The following SLC9D1 variants were observed in gnomAD, a reference collection of about 807,000 sequenced individuals.
SLC9D1 encodes the protein putative LAG1-interacting protein.
chr13:113,546,449 T>C, the SLC9D1 span, among the ~76,000 whole-genome samples: 66 of 152,132 alleles, frequency 4.3e-4, no homozygotes, highest in Admixed American at 1.2e-3. The surrounding 1 kb of genome is among the most constrained non-coding windows in gnomAD (Gnocchi z 7.1). Context: ...GGGCCGTGGC[T>C]AGAAGACTGG....
chr13:113,496,809 T>G, the SLC9D1 span, among the ~76,000 whole-genome samples: 1 of 152,238 alleles, frequency 6.6e-6, no homozygotes, highest in African/African-American at 2.4e-5. Flanking sequence ...TCAATAACAC[T>G]GATTCATTTG....
At chr13:113,504,312 T>A in the SLC9D1 span, 5 of 152,222 alleles carry the variant, frequency 3.3e-5, no homozygotes, top group Non-Finnish European at 7.3e-5. Context: ...AGCTCTCTCA[T>A]GTAGTATTCC....
At chr13:113,510,032 A>G in the SLC9D1 span, among the ~76,000 whole-genome samples, 2 of 151,968 alleles carry the variant, frequency 1.3e-5, no homozygotes, top group Admixed American at 1.3e-4. Context: ...GTGTGCGTGT[A>G]TTGTGTGTGT....
the SLC9D1 span, among the ~76,000 whole-genome samples, chr13:113,491,765 G>C: frequency 7.0e-4 from 106 of 152,204 alleles, 1 homozygote; most frequent in Admixed American, 2.7e-3. Context: ...CCCTGTCCCT[G>C]GCCCCCCTCC....
chr13:113,495,896 A>G, the SLC9D1 span: 2 of 1,614,094 alleles, frequency 1.2e-6, no homozygotes, highest in African/African-American at 1.3e-5. Context: ...AGCTGAATGA[A>G]AGTGAAAATT....
At chr13:113,507,684 T>C in the SLC9D1 span, among the ~76,000 whole-genome samples, 2 of 152,242 alleles carry the variant, frequency 1.3e-5, no homozygotes, top group African/African-American at 4.8e-5. Context: ...TCTGTCAGTT[T>C]CTGCCTCTCT....
the SLC9D1 span, among the ~76,000 whole-genome samples, chr13:113,517,386 C>T: frequency 6.6e-5 from 10 of 152,250 alleles, no homozygotes; most frequent in East Asian, 1.7e-3. Context: ...GCGCCCGCCA[C>T]CACGCCCGGC....
At chr13:113,505,703 A>C in the SLC9D1 span, 1 of 152,242 alleles carries the variant, frequency 6.6e-6, no homozygotes, top group East Asian at 1.9e-4. Context: ...TATAATAAGC[A>C]GTCAATACTT....
chr13:113,508,817 AGTT>A, the SLC9D1 span, among the ~76,000 whole-genome samples: 2 of 152,244 alleles, frequency 1.3e-5, no homozygotes, highest in Admixed American at 6.5e-5. Flanking sequence ...TCAAAAAAAA[AGTT>A]GTAATTTTGC....
the SLC9D1 span, chr13:113,505,148 G>A: frequency 6.6e-6 from 1 of 152,150 alleles, no homozygotes; most frequent in Admixed American, 6.5e-5. Flanking sequence ...TTTGGATGGG[G>A]TTGTTTGTTT....
chr13:113,537,732 A>G, the SLC9D1 span, among the ~76,000 whole-genome samples: 1 of 152,152 alleles, frequency 6.6e-6, no homozygotes, highest in Non-Finnish European at 1.5e-5. Flanking sequence ...TGCTTTTCTC[A>G]TTAGATCTTC....
At chr13:113,491,794 C>T in the SLC9D1 span, among the ~76,000 whole-genome samples, 1 of 152,260 alleles carries the variant, frequency 6.6e-6, no homozygotes. Context: ...CTAACGGCTC[C>T]TCACGGTGTC....
the SLC9D1 span, among the ~76,000 whole-genome samples, chr13:113,502,097 G>T: frequency 6.6e-6 from 1 of 152,222 alleles, no homozygotes; most frequent in East Asian, 1.9e-4. Flanking sequence ...CAACGCCCCT[G>T]CTCGTTTCCA....
At chr13:113,545,570 C>G in the SLC9D1 span, among the ~76,000 whole-genome samples, 45 of 152,342 alleles carry the variant, frequency 3.0e-4, no homozygotes, top group African/African-American at 1.0e-3. Context: ...TCCCCCCACC[C>G]CCACTCCGCC....
chr13:113,547,151 C>T, the SLC9D1 span: 2 of 666,026 alleles, frequency 3.0e-6, no homozygotes, highest in Non-Finnish European at 5.4e-6. Flanking sequence ...GGCTTTTTAG[C>T]ATTTGCTGTT....
the SLC9D1 span, among the ~76,000 whole-genome samples, chr13:113,512,578 A>G: frequency 5.2e-4 from 71 of 137,324 alleles, no homozygotes; most frequent in East Asian, 1.1e-3. Flanking sequence ...CAGGTGCTGG[A>G]ACTGGAAGGG....
the SLC9D1 span, chr13:113,527,239 C>T: frequency 6.6e-6 from 1 of 152,208 alleles, no homozygotes; most frequent in Non-Finnish European, 1.5e-5. Flanking sequence ...ATAATCTCTT[C>T]TTCTCATACC....
the SLC9D1 span, among the ~76,000 whole-genome samples, chr13:113,544,311 A>G: frequency 6.6e-6 from 1 of 152,220 alleles, no homozygotes; most frequent in African/African-American, 2.4e-5. Context: ...GGCAATCTTT[A>G]GGCCCTGAGT....
the SLC9D1 span, chr13:113,496,071 A>G: frequency 7.3e-7 from 1 of 1,361,670 alleles, no homozygotes; most frequent in South Asian, 1.3e-5. Context: ...AGGGAGAGAG[A>G]GGTGAAGAGA....
Sources: allele counts gnomAD v4.1 joint callset (sites outside exome capture counted in the v4.1 genomes callset), GRCh38; gene constraint gnomAD v4.1.1; non-coding constraint Gnocchi (gnomAD v3.1); transcripts MANE v1.5; gene names NCBI Gene and HGNC (gene_info 2026-07-23, HGNC 2026-07-21).